KCND3: variants seen among roughly 807,000 people sequenced by gnomAD.
The protein encoded by KCND3 is potassium voltage-gated channel subfamily D member 3.
Under a neutral mutation model 51.1 loss-of-function variants are expected in KCND3, and 9 were observed. That is an observed-to-expected ratio of 0.18 (90% CI 0.11 to 0.31). The LOEUF (loss-of-function observed/expected upper bound fraction) is 0.31. Among genes scored for constraint, KCND3 ranks in the 10% least tolerant of loss-of-function variants. The pLI is 1.00. For missense variants in KCND3, 526 were observed against 903.8 expected, an observed-to-expected ratio of 0.58 and a Z score of 5.36; for synonymous variants, 349 against 368.0, an observed-to-expected ratio of 0.95 and a Z score of 0.59.
chr1:111,938,415 G>C (rs1187081154), intron 2 of KCND3, among the ~76,000 whole-genome samples: 1 of 152,186 alleles, frequency 6.6e-6, no homozygotes, highest in East Asian at 1.9e-4. Context: ...TGCCAGGCTA[G>C]AGTCAGAATG....
chr1:111,950,348 A>G (rs973668087), intron 2 of KCND3, among the ~76,000 whole-genome samples: 1 of 152,174 alleles, frequency 6.6e-6, no homozygotes, highest in Non-Finnish European at 1.5e-5. Context: ...CTGGTAACCC[A>G]CTGTTTGACA....
intron 2 of KCND3, among the ~76,000 whole-genome samples, chr1:111,841,217 C>T (rs1667306829): frequency 6.6e-6 from 1 of 152,182 alleles, no homozygotes; most frequent in East Asian, 1.9e-4. Context: ...TGTGGCATAC[C>T]CTTCTTCCAA....
At chr1:111,846,822 G>T (rs929380489) in intron 2 of KCND3, among the ~76,000 whole-genome samples, 17 of 152,164 alleles carry the variant, frequency 1.1e-4, no homozygotes, top group Non-Finnish European at 5.9e-5. Flanking sequence ...ACAATGGGGG[G>T]AAACTGAGTC....
chr1:111,920,367 G>A (rs570519914), intron 2 of KCND3, among the ~76,000 whole-genome samples: 4 of 152,330 alleles, frequency 2.6e-5, no homozygotes, highest in Admixed American at 2.6e-4. Flanking sequence ...TCCCCACACT[G>A]AAGAAACACA....
intron 2 of KCND3, among the ~76,000 whole-genome samples, chr1:111,902,279 G>T (rs1670423154): frequency 6.6e-6 from 1 of 152,184 alleles, no homozygotes; most frequent in Non-Finnish European, 1.5e-5. Flanking sequence ...GGATTAAAGG[G>T]GTAACGGAGC....
At chr1:111,866,258 C>CT (rs1668561358) in intron 2 of KCND3, among the ~76,000 whole-genome samples, 4 of 53,186 alleles carry the variant, frequency 7.5e-5, no homozygotes, top group African/African-American at 1.9e-4. Flanking sequence ...TCTTTCTTTT[C>CT]TTTTCTTTTT....
chr1:111,957,018 C>A (rs557949936), intron 2 of KCND3, among the ~76,000 whole-genome samples: 1 of 152,226 alleles, frequency 6.6e-6, no homozygotes, highest in East Asian at 1.9e-4. Context: ...TAAGACAGAA[C>A]GAGAAGAAGG....
intron 2 of KCND3, among the ~76,000 whole-genome samples, chr1:111,829,002 A>G (rs533450387): frequency 6.6e-6 from 1 of 152,294 alleles, no homozygotes; most frequent in South Asian, 2.1e-4. Context: ...CTTAGCATTC[A>G]TTCAGGAGCC....
chr1:111,834,723 C>T (rs1666994674), intron 2 of KCND3, among the ~76,000 whole-genome samples: 1 of 152,188 alleles, frequency 6.6e-6, no homozygotes, highest in Non-Finnish European at 1.5e-5. Context: ...ACTCCCATAC[C>T]TGGGTCCTCA....
chr1:111,774,655 A>G lies in KCND3; in HGVS notation c.*1422T>C, dbSNP rs1323904618. On this transcript the variant is annotated 3_prime_UTR_variant, in exon 8 of 8. Transcript: ENST00000302127. ...CATCAAGGCATCTTTCATAGCAGGT[A>G]AGAATCATCTAGAATCTCTTACTTG... is the stretch of plus-strand genomic sequence containing the variant. 2.6e-5 allele frequency: 4 copies of G among 152,232 alleles called. No individual in the cohort carries two copies. The South Asian group carries it at 8.3e-4, about 32-fold the overall frequency. 9.4% of individuals were successfully genotyped at this position (152,232 alleles called of 1,614,324 possible). A position where few individuals can be genotyped will look rare whatever the true frequency, so the allele number is the denominator to read the frequency against.
intron 1 of KCND3, chr1:111,989,123 G>T (rs1239677976): frequency 6.6e-6 from 1 of 152,276 alleles, no homozygotes; most frequent in Non-Finnish European, 1.5e-5. Context: ...GCCCCAAACC[G>T]CTCCGGGTTT....
intron 2 of KCND3, among the ~76,000 whole-genome samples, chr1:111,825,815 ATTCT>A (rs1267034937): frequency 4.6e-5 from 7 of 152,270 alleles, no homozygotes; most frequent in Middle Eastern, 6.8e-3. Flanking sequence ...ATGCATTCTG[ATTCT>A]TTCTAATTTT....
chr1:111,826,418 T>G (rs547267785), intron 2 of KCND3, among the ~76,000 whole-genome samples: 1 of 152,192 alleles, frequency 6.6e-6, no homozygotes, highest in Non-Finnish European at 1.5e-5. Flanking sequence ...TGTGCAGCCA[T>G]GGACCATAAA....
chr1:111,939,005 G>A (rs1031037895), intron 2 of KCND3, among the ~76,000 whole-genome samples: 7 of 152,186 alleles, frequency 4.6e-5, no homozygotes, highest in African/African-American at 1.4e-4. Context: ...GCTGCTCAAT[G>A]TGTGGTTCCC....
chr1:111,899,346 C>A (rs1424878163), intron 2 of KCND3, among the ~76,000 whole-genome samples: 1 of 152,256 alleles, frequency 6.6e-6, no homozygotes, highest in Non-Finnish European at 1.5e-5. Flanking sequence ...ACCAGTCCCT[C>A]TCCCTTCCAT....
chr1:111,964,630 G>C lies in KCND3; in HGVS notation c.1106+16991C>G, dbSNP rs528764463. 1.2e-3 allele frequency among the ~76,000 whole-genome samples: 178 copies of C among 152,340 alleles called. 2 individuals are homozygous for C. Among genetic ancestry groups the C allele is most frequent in the African/African-American group, 4.2e-3 (173 of 41,568 alleles). On this transcript the variant is annotated intron_variant, in intron 2 of 7. Coordinates refer to ENST00000302127, the MANE Select transcript of KCND3 (RefSeq NM_001378969.1). ...GGAAAGGCAGCACTAACTCAGAGGG[G>C]CTCCTCTTGCAGCAGAATCAAAGTT...
At chr1:111,854,424 T>C (rs1391377253) in intron 2 of KCND3, among the ~76,000 whole-genome samples, 1 of 152,092 alleles carries the variant, frequency 6.6e-6, no homozygotes, top group Non-Finnish European at 1.5e-5. Context: ...GCTACGACCA[T>C]CTCTTCTCCT....
intron 2 of KCND3, among the ~76,000 whole-genome samples, chr1:111,838,013 G>A (rs150555984): frequency 3.9e-5 from 6 of 152,216 alleles, no homozygotes; most frequent in African/African-American, 1.2e-4. Context: ...CACATAACGC[G>A]TCACTGTCGA....
chr1:111,823,517 T>TTAGTTCTTTTTTTAA, intron 2 of KCND3, among the ~76,000 whole-genome samples: 1 of 152,318 alleles, frequency 6.6e-6, no homozygotes, highest in East Asian at 1.9e-4. Flanking sequence ...ATTTTGAGCT[T>TTAGTTCTTTTTTTAA]TAGTTCTTTT....
Sources: gnomAD v4.1 joint callset for allele counts (sites outside exome capture counted in the v4.1 genomes callset) on GRCh38, gnomAD v4.1.1 for gene constraint, MANE v1.5 for transcripts, NCBI Gene and HGNC (gene_info 2026-07-23, HGNC 2026-07-21) for gene names.